The following CLOCK variants were observed in gnomAD, a reference collection of about 807,000 sequenced individuals.
CLOCK encodes circadian locomoter output cycles protein kaput.
A neutral mutation model predicts 118.4 loss-of-function variants in CLOCK; 43 were observed. The observed-to-expected ratio is 0.36, with a 90% confidence interval of 0.28 to 0.47. CLOCK has a LOEUF of 0.47. Among genes scored for constraint, CLOCK ranks in the 20% least tolerant of loss-of-function variants. The pLI is 1.00. For missense variants in CLOCK, 846 were observed against 999.9 expected, an observed-to-expected ratio of 0.85 and a Z score of 2.08; for synonymous variants, 326 against 339.2, an observed-to-expected ratio of 0.96 and a Z score of 0.43.
intron 9 of CLOCK, 94 bp from the exon 10 acceptor site, chr4:55,459,355 T>C: frequency 1.3e-6 from 1 of 794,730 alleles, no homozygotes; most frequent in Non-Finnish European, 2.1e-6. Context: ...TTGTGTAAGT[T>C]TACAACCATT....
intron 22 of CLOCK, among the ~76,000 whole-genome samples, chr4:55,437,800 G>C (rs1723005953): frequency 6.6e-6 from 1 of 152,128 alleles, no homozygotes; most frequent in Admixed American, 6.5e-5. Context: ...TTAGCTCATA[G>C]ATATACTACA....
chr4:55,482,377 A>G (rs1423068455), intron 4 of CLOCK, among the ~76,000 whole-genome samples: 1 of 152,252 alleles, frequency 6.6e-6, no homozygotes, highest in Non-Finnish European at 1.5e-5. Context: ...CTTATCAGTC[A>G]CAAATGCTAA....
At chr4:55,478,778 T>A in intron 6 of CLOCK, 37 bp downstream of exon 6, 1 of 1,597,856 alleles carries the variant, frequency 6.3e-7, no homozygotes, top group African/African-American at 1.3e-5. Context: ...ACTAATGCTT[T>A]GAGAGTCTGT....
chr4:55,444,888 A>T (rs1223973286), intron 18 of CLOCK, 103 bp from the exon 19 acceptor site: 129 of 1,145,012 alleles, frequency 1.1e-4, no homozygotes, highest in Middle Eastern at 2.3e-4. Context: ...GTGAAGGATG[A>T]TAACATCCTT....
chr4:55,463,183 T>C (rs1181780464), intron 9 of CLOCK, among the ~76,000 whole-genome samples: 1 of 152,102 alleles, frequency 6.6e-6, no homozygotes, highest in Admixed American at 6.6e-5. Context: ...ATTTTTATGA[T>C]ACAGCACAAG....
At chr4:55,491,723 C>G (rs1452572217) in intron 2 of CLOCK, among the ~76,000 whole-genome samples, 1 of 151,960 alleles carries the variant, frequency 6.6e-6, no homozygotes, top group Admixed American at 6.6e-5. Context: ...AATGGATAAA[C>G]AAAATGTGGT....
At position 55,477,024 on chromosome 4, in the gene CLOCK, T is replaced by C. The variant is rs139255439; in HGVS notation, c.257-970A>G. On this transcript the variant is annotated intron_variant, in intron 6 of 22. Transcript: ENST00000513440. Reference sequence around the variant, plus strand: ...AAGAGTAACTAAGAAGTAGAGCTACTAAATGTGCGGAATACAGTTGTGTTT... The same window carrying C: ...AAGAGTAACTAAGAAGTAGAGCTACCAAATGTGCGGAATACAGTTGTGTTT... Among the ~76,000 whole-genome samples, 34 of 152,266 alleles carry C rather than the reference T, an allele frequency of 2.2e-4. No homozygotes were observed. The East Asian group carries it at 6.4e-3, about 29-fold the overall frequency.
chr4:55,500,776 T>A (rs1300012914), intron 2 of CLOCK, among the ~76,000 whole-genome samples: 1 of 152,244 alleles, frequency 6.6e-6, no homozygotes, highest in African/African-American at 2.4e-5. Context: ...TTATCTAGAA[T>A]CATTATTTCA....
At chr4:55,489,984 G>A (rs1466559328) in intron 2 of CLOCK, among the ~76,000 whole-genome samples, 2 of 151,892 alleles carry the variant, frequency 1.3e-5, no homozygotes, top group African/African-American at 4.8e-5. Context: ...AAGGAAAAGA[G>A]GGACAACAGC....
At chr4:55,435,891 A>G (rs3792603) in intron 22 of CLOCK, among the ~76,000 whole-genome samples, 24,808 of 152,212 alleles carry the variant, frequency 0.16, 2,543 homozygotes, top group Non-Finnish European at 0.21. Flanking sequence ...TTTATGTCCT[A>G]AAGACCCATA....
At position 55,479,692 on chromosome 4, in the gene CLOCK, T is replaced by C. The variant is rs754304462; in HGVS notation, c.55A>G (p.Ser19Gly). 5 of 1,612,752 alleles carry C rather than the reference T, an allele frequency of 3.1e-6. No homozygotes were observed. The highest frequency in any genetic ancestry group is 1.1e-5 in the South Asian group (1 of 91,024). ...KMSSIVDRDDSSIFDGLVEED... is the reference protein window; with the variant it reads ...KMSSIVDRDDGSIFDGLVEED... ...TCCACCAACCCATCAAAAATACTAC[T>C]GTCATCTCTAAAAGAAAGCGGATAG... The change falls in exon 5 of 23, where the codon AGT (serine) becomes GGT (glycine). Residue 19 changes from serine (S) to glycine (G), a missense_variant. By Grantham distance (56) the Ser-to-Gly change is moderately conservative. Around this residue, in one of 4 missense-constraint regions of CLOCK, gnomAD observed 246 missense variants for 300.2 expected, o/e 0.82. Coordinates refer to ENST00000513440, the MANE Select transcript of CLOCK (RefSeq NM_004898.4).
chr4:55,511,967 T>C (rs1282684960), intron 1 of CLOCK, among the ~76,000 whole-genome samples: 1 of 151,892 alleles, frequency 6.6e-6, no homozygotes, highest in African/African-American at 2.4e-5. Context: ...GAATGATATA[T>C]TCCATTGTCT....
chr4:55,520,590 A>C (rs367856857), intron 1 of CLOCK, among the ~76,000 whole-genome samples: 4 of 152,230 alleles, frequency 2.6e-5, no homozygotes, highest in East Asian at 3.8e-4. Context: ...TAAAATAAAT[A>C]AATCCACAGT....
intron 15 of CLOCK, 40 bp from the exon 16 acceptor site, chr4:55,450,272 A>C (rs779806173): frequency 6.2e-7 from 1 of 1,612,646 alleles, no homozygotes; most frequent in Non-Finnish European, 8.5e-7. Flanking sequence ...CTTGTGGTTC[A>C]GTTCAGAGAT....
chr4:55,465,455 T>C (rs767209952), intron 8 of CLOCK, among the ~76,000 whole-genome samples: 17 of 152,210 alleles, frequency 1.1e-4, no homozygotes, highest in Admixed American at 2.0e-4. Context: ...GCCTATCTCT[T>C]ACACCTTTAT....
intron 2 of CLOCK, among the ~76,000 whole-genome samples, chr4:55,502,012 G>A (rs1728479110): frequency 6.6e-6 from 1 of 152,086 alleles, no homozygotes; most frequent in Admixed American, 6.6e-5. Flanking sequence ...GTCAACAAAA[G>A]ACATATAAGA....
intron 12 of CLOCK, 95 bp downstream of exon 12, chr4:55,456,123 T>A: frequency 7.6e-7 from 1 of 1,314,036 alleles, no homozygotes; most frequent in Non-Finnish European, 1.1e-6. Flanking sequence ...GGTTTCAAAG[T>A]CCTAATTTAA....
intron 2 of CLOCK, among the ~76,000 whole-genome samples, chr4:55,489,909 G>A (rs1255148306): frequency 6.6e-6 from 1 of 151,498 alleles, no homozygotes; most frequent in Non-Finnish European, 1.5e-5. Flanking sequence ...AAATGAGAGG[G>A]GAGTCAAAGC....
At chr4:55,483,633 A>C (rs547627360) in intron 3 of CLOCK, among the ~76,000 whole-genome samples, 3 of 152,238 alleles carry the variant, frequency 2.0e-5, no homozygotes, top group Non-Finnish European at 4.4e-5. Flanking sequence ...CAGGAATGGC[A>C]ATTTGTAAAG....
Sources: allele counts gnomAD v4.1 joint callset (sites outside exome capture counted in the v4.1 genomes callset), GRCh38; gene constraint gnomAD v4.1.1; regional missense constraint gnomAD v4.1.1; transcripts MANE v1.5; gene names NCBI Gene and HGNC (gene_info 2026-07-23, HGNC 2026-07-21).